Variants in PPM1E observed in about 807,000 individuals in gnomAD.
PPM1E encodes the protein protein phosphatase, Mg2+/Mn2+ dependent 1E, also known as protein phosphatase 1E.
A neutral mutation model predicts 65.9 loss-of-function variants in PPM1E; 20 were observed. The observed-to-expected ratio is 0.30, with a 90% CI of 0.21 to 0.44. The LOEUF is 0.44. PPM1E is among the 20% of genes least tolerant of loss of function. The pLI, the probability that PPM1E is intolerant of heterozygous loss-of-function variation, is 1.00. For synonymous variants in PPM1E, 352 were observed against 374.9 expected (o/e 0.94, Z 0.70); for missense variants, 713 against 953.1 (o/e 0.75, Z 3.32).
chr17:58,965,452 C>T (rs1340706250), intron 2 of PPM1E, among the ~76,000 whole-genome samples: 1 of 152,052 alleles, frequency 6.6e-6, no homozygotes, highest in Non-Finnish European at 1.5e-5. Flanking sequence ...CCAGCCCTGG[C>T]CAAAGGTTTT....
chr17:58,961,228 T>C (rs1036231104), intron 2 of PPM1E, among the ~76,000 whole-genome samples: 49 of 152,236 alleles, frequency 3.2e-4, no homozygotes, highest in Non-Finnish European at 6.3e-4. Context: ...AAGAAGCATA[T>C]AAATGTTTAA....
intron 1 of PPM1E, among the ~76,000 whole-genome samples, chr17:58,927,776 C>T (rs899293315): frequency 4.0e-5 from 6 of 151,696 alleles, no homozygotes; most frequent in Middle Eastern, 3.4e-3. Context: ...ATTAGCCAGG[C>T]GGCCGGGCCC....
intron 1 of PPM1E, among the ~76,000 whole-genome samples, chr17:58,922,826 A>C (rs2143539993): frequency 6.6e-6 from 1 of 151,982 alleles, no homozygotes; most frequent in South Asian, 2.1e-4. Flanking sequence ...CTAGGACTAC[A>C]GGTGCATACC....
intron 1 of PPM1E, among the ~76,000 whole-genome samples, chr17:58,877,982 A>G (rs1387746945): frequency 6.7e-6 from 1 of 149,444 alleles, no homozygotes; most frequent in Non-Finnish European, 1.5e-5. Context: ...TAAAAAGTAA[A>G]AAAAAAAAAT....
At chr17:58,950,435 T>G (rs1745534864) in intron 1 of PPM1E, among the ~76,000 whole-genome samples, 2 of 152,234 alleles carry the variant, frequency 1.3e-5, no homozygotes, top group Non-Finnish European at 2.9e-5. Context: ...GTGGGAACTT[T>G]CCAGCTTCCT....
intron 1 of PPM1E, among the ~76,000 whole-genome samples, chr17:58,861,975 G>A (rs1245265886): frequency 6.6e-6 from 1 of 152,074 alleles, no homozygotes; most frequent in Non-Finnish European, 1.5e-5. Flanking sequence ...AATAGACAAA[G>A]ACTCCTGGTT....
chr17:58,812,855 C>A (rs1357119190), intron 1 of PPM1E, among the ~76,000 whole-genome samples: 6 of 152,224 alleles, frequency 3.9e-5, no homozygotes, highest in Admixed American at 6.5e-5. Context: ...GCATGAGCCA[C>A]CGTGCCCAGC....
At chr17:58,865,256 A>G (rs1456898011) in intron 1 of PPM1E, among the ~76,000 whole-genome samples, 1 of 151,920 alleles carries the variant, frequency 6.6e-6, no homozygotes, top group Admixed American at 6.6e-5. Context: ...GCGTGGTGGC[A>G]GGCGCCTGTA....
chr17:58,765,438 A>C (rs1357509329), intron 1 of PPM1E, among the ~76,000 whole-genome samples: 1 of 151,938 alleles, frequency 6.6e-6, no homozygotes, highest in Non-Finnish European at 1.5e-5. Flanking sequence ...GGCCTCCCAA[A>C]GTGCTGGGAT....
At chr17:58,926,156 C>T (rs552676113) in intron 1 of PPM1E, among the ~76,000 whole-genome samples, 5 of 152,094 alleles carry the variant, frequency 3.3e-5, no homozygotes, top group South Asian at 2.1e-4. Context: ...GCCTGGCCAA[C>T]GTGGTGAAAC....
At chr17:58,843,544 G>GCC (rs2050741695) in intron 1 of PPM1E, among the ~76,000 whole-genome samples, 1 of 151,722 alleles carries the variant, frequency 6.6e-6, no homozygotes, top group African/African-American at 2.4e-5. Context: ...GTAGAACAAG[G>GCC]CCGGGCACAG....
chr17:58,828,559 G>C (rs2050565893), intron 1 of PPM1E, among the ~76,000 whole-genome samples: 1 of 151,558 alleles, frequency 6.6e-6, no homozygotes, highest in Non-Finnish European at 1.5e-5. Context: ...CTGCCTCCTA[G>C]GTTCAAGTGA....
chr17:58,778,713 C>G (rs1418003233), intron 1 of PPM1E, among the ~76,000 whole-genome samples: 3 of 151,666 alleles, frequency 2.0e-5, no homozygotes, highest in African/African-American at 4.8e-5. Context: ...AGATTACAGG[C>G]CTGAGCCACA....
At chr17:58,864,044 C>T (rs1269200130) in intron 1 of PPM1E, among the ~76,000 whole-genome samples, 4 of 150,702 alleles carry the variant, frequency 2.7e-5, no homozygotes, top group Admixed American at 1.3e-4. Context: ...CCAGGGACCC[C>T]GCCCTTCTAT....
intron 1 of PPM1E, among the ~76,000 whole-genome samples, chr17:58,790,356 C>T (rs531549626): frequency 3.3e-5 from 5 of 152,116 alleles, no homozygotes; most frequent in South Asian, 2.1e-4. Flanking sequence ...GTGCCCAGCG[C>T]GGCTCTTGTC....
chr17:58,756,413 A>G lies in PPM1E; in HGVS notation c.416A>G (p.Glu139Gly). 7.4e-7 allele frequency: 1 copy of G among 1,356,320 alleles called. No homozygotes were observed. The highest frequency in any genetic ancestry group is 9.5e-7 in the Non-Finnish European group (1 of 1,057,772). 84.0% of individuals were successfully genotyped at this position (1,356,320 alleles called of 1,614,324 possible). The change falls in exon 1 of 7, where the codon GAG (glutamate) becomes GGG (glycine). Residue 139 changes from glutamate (E) to glycine (G), a missense_variant. Around this residue, in one of 6 missense-constraint regions of PPM1E, gnomAD observed 212 missense variants for 204.0 expected, o/e 1.04. Transcript: ENST00000308249. ...CTGTCAGAGCGCATCACCCGCGAGG[A>G]GGTGGAGGGCGAAAGCCTGGACCTG... ...RPLSERITRE[E>G]VEGESLDLCL...
At chr17:58,899,893 G>A (rs753395868) in intron 1 of PPM1E, among the ~76,000 whole-genome samples, 3 of 151,906 alleles carry the variant, frequency 2.0e-5, no homozygotes, top group Non-Finnish European at 4.4e-5. Flanking sequence ...AAAAGAGAGA[G>A]AATTAATAGT....
In PPM1E at chr17:58,929,119, A is replaced by G. The variant is rs191049243; in HGVS notation, c.465-26530A>G. 3.9e-5 allele frequency among the ~76,000 whole-genome samples: 6 copies of G among 152,332 alleles called. No individual in the cohort carries two copies. The East Asian group carries it at 1.2e-3, about 29-fold the overall frequency. On this transcript the variant is annotated intron_variant, in intron 1 of 6. Coordinates refer to ENST00000308249, the MANE Select transcript of PPM1E (RefSeq NM_014906.5). Reference sequence around the variant, plus strand: ...AGTATGTTAATAAACTGGAAAACTAATCAACAATAAAAAGTAATTATTATT... The same window carrying G: ...AGTATGTTAATAAACTGGAAAACTAGTCAACAATAAAAAGTAATTATTATT...
chr17:58,765,017 T>G (rs2049859072), intron 1 of PPM1E, among the ~76,000 whole-genome samples: 1 of 152,110 alleles, frequency 6.6e-6, no homozygotes, highest in Non-Finnish European at 1.5e-5. Context: ...AAGAAGAAAG[T>G]ATTCCATTCC....
Sources: gnomAD v4.1 joint callset for allele counts (sites outside exome capture counted in the v4.1 genomes callset) on GRCh38, gnomAD v4.1.1 for gene constraint, gnomAD v4.1.1 regional missense constraint, MANE v1.5 for transcripts, NCBI Gene and HGNC (gene_info 2026-07-23, HGNC 2026-07-21) for gene names.